PHF20: variants seen among roughly 807,000 people sequenced by gnomAD.
The protein encoded by PHF20 is glioma-expressed antigen 2.
A neutral mutation model predicts 113.5 loss-of-function variants in PHF20; 23 were observed. The observed-to-expected ratio is 0.20, with a 90% confidence interval of 0.15 to 0.29. The LOEUF is 0.29. PHF20 is among the 10% of genes least tolerant of loss of function. The pLI, the probability that PHF20 is intolerant of heterozygous loss-of-function variation, is 1.00. For synonymous variants in PHF20, 434 were observed against 457.3 expected (o/e 0.95, Z 0.65); for missense variants, 943 against 1,219.6 (o/e 0.77, Z 3.38).
At chr20:35,820,998 G>A (rs1358745444) in intron 2 of PHF20, among the ~76,000 whole-genome samples, 1 of 152,000 alleles carries the variant, frequency 6.6e-6, no homozygotes, top group African/African-American at 2.4e-5. Flanking sequence ...TGGCTGGGAG[G>A]GTAGAGAGTG....
chr20:35,778,953 G>A (rs370111275), intron 1 of PHF20, among the ~76,000 whole-genome samples: 12 of 151,928 alleles, frequency 7.9e-5, no homozygotes, highest in East Asian at 5.8e-4. Flanking sequence ...AAAGAGTGGT[G>A]GAGCCTGAAT....
intron 8 of PHF20, 108 bp downstream of exon 8, chr20:35,871,242 T>C: frequency 2.2e-6 from 2 of 894,620 alleles, no homozygotes; most frequent in Non-Finnish European, 3.6e-6. Flanking sequence ...TGTCTTGAAA[T>C]CAAACTATTG....
At chr20:35,892,463 C>G (rs1051135656) in intron 9 of PHF20, among the ~76,000 whole-genome samples, 5 of 152,092 alleles carry the variant, frequency 3.3e-5, no homozygotes, top group Non-Finnish European at 7.4e-5. Flanking sequence ...CCTGCCTCAG[C>G]CTCCCGAAGT....
chr20:35,858,349 CAT>C lies in PHF20; in HGVS notation c.391_392del (p.Ile131SerfsTer14). The C allele has an allele frequency of 1.3e-6, 2 of 1,596,804 alleles. No individual in the cohort carries two copies. Among genetic ancestry groups the C allele is most frequent in the Non-Finnish European group, 1.7e-6 (2 of 1,166,690 alleles). ...FYDGVVQTVK[H>X]IHVKAFSKDQ... is the part of the protein sequence containing the mutation. The stretch of plus-strand genomic sequence containing the variant: ...TGATGGAGTAGTTCAGACTGTCAAA[CAT>C]ATTCATGTCAAAGCTTTTTCCAAAG... On this transcript the variant is annotated frameshift_variant, in exon 5 of 18. Transcript: ENST00000374012. LOFTEE classifies it high-confidence loss of function.
intron 1 of PHF20, among the ~76,000 whole-genome samples, chr20:35,786,353 T>G (rs1218626009): frequency 3.3e-5 from 5 of 151,954 alleles, no homozygotes; most frequent in Non-Finnish European, 7.4e-5. Context: ...ATCGCGCCAC[T>G]GCATTCCAGC....
At chr20:35,816,144 G>A (rs1214430388) in intron 2 of PHF20, among the ~76,000 whole-genome samples, 1 of 151,630 alleles carries the variant, frequency 6.6e-6, no homozygotes, top group East Asian at 2.0e-4. Flanking sequence ...TTTAGTGGAG[G>A]TGGGGTTTTA....
chr20:35,861,131 A>G (rs1351404416), intron 5 of PHF20, among the ~76,000 whole-genome samples: 1 of 149,738 alleles, frequency 6.7e-6, no homozygotes, highest in Non-Finnish European at 1.5e-5. Context: ...GGTTTTTCGT[A>G]TACTATTGGA....
intron 2 of PHF20, among the ~76,000 whole-genome samples, chr20:35,815,267 G>A (rs2042051695): frequency 6.6e-6 from 1 of 151,858 alleles, no homozygotes; most frequent in African/African-American, 2.4e-5. Flanking sequence ...TATGCATGGT[G>A]TAACTATGCT....
chr20:35,838,343 C>G (rs909836361), intron 2 of PHF20: 1 of 152,154 alleles, frequency 6.6e-6, no homozygotes, highest in African/African-American at 2.4e-5. Flanking sequence ...GAGTCTCATG[C>G]TTCCTCTCCA....
chr20:35,929,269 G>A (rs2055704954), intron 14 of PHF20, among the ~76,000 whole-genome samples: 1 of 152,244 alleles, frequency 6.6e-6, no homozygotes, highest in Non-Finnish European at 1.5e-5. Context: ...GTTGTCTAGG[G>A]AGGGACTGGC....
chr20:35,793,871 G>T (rs1017073193), intron 1 of PHF20, among the ~76,000 whole-genome samples: 2 of 148,874 alleles, frequency 1.3e-5, no homozygotes, highest in Admixed American at 1.3e-4. Flanking sequence ...GGTGGTGCAC[G>T]CCTGTAATCC....
At chr20:35,941,141 G>T (rs2055971784) in intron 17 of PHF20, 94 bp downstream of exon 17, 1 of 970,366 alleles carries the variant, frequency 1.0e-6, no homozygotes. Flanking sequence ...AGTTTACAGG[G>T]ACCGCTGTAC....
chr20:35,866,208 T>G (rs902446629), intron 6 of PHF20, among the ~76,000 whole-genome samples: 1 of 152,038 alleles, frequency 6.6e-6, no homozygotes, highest in African/African-American at 2.4e-5. Flanking sequence ...AGACTCCATC[T>G]CAAAAAAACA....
At chr20:35,842,778 C>A in intron 3 of PHF20, 34 bp downstream of exon 3, 2 of 1,583,836 alleles carry the variant, frequency 1.3e-6, no homozygotes, top group South Asian at 1.1e-5. Flanking sequence ...CTGTAGTATG[C>A]AAGGTCAGCC....
chr20:35,905,933 T>G (rs1299818345), intron 10 of PHF20, among the ~76,000 whole-genome samples: 1 of 152,240 alleles, frequency 6.6e-6, no homozygotes, highest in Non-Finnish European at 1.5e-5. Context: ...TAGATTTGCT[T>G]TTCCAAATGA....
chr20:35,885,410 T>C (rs1188255579), intron 9 of PHF20, among the ~76,000 whole-genome samples: 2 of 147,584 alleles, frequency 1.4e-5, no homozygotes, highest in Non-Finnish European at 3.0e-5. Flanking sequence ...TTCTTTAATC[T>C]GAAACAGACC....
intron 2 of PHF20, among the ~76,000 whole-genome samples, chr20:35,805,422 G>A (rs1770961645): frequency 6.7e-6 from 1 of 149,406 alleles, no homozygotes; most frequent in Non-Finnish European, 1.5e-5. Context: ...TTGCTCTGTC[G>A]CCCAGGCTGG....
chr20:35,835,721 G>A (rs2042428048), intron 2 of PHF20, among the ~76,000 whole-genome samples: 1 of 152,148 alleles, frequency 6.6e-6, no homozygotes, highest in Admixed American at 6.5e-5. Context: ...CTTGAGGTCA[G>A]GAGTTTGAGA....
chr20:35,804,860 A>G (rs902922664), intron 2 of PHF20, among the ~76,000 whole-genome samples: 5 of 152,004 alleles, frequency 3.3e-5, no homozygotes, highest in African/African-American at 1.2e-4. Flanking sequence ...GTACTCAACC[A>G]TATGTACATA....
Sources: allele counts gnomAD v4.1 joint callset (sites outside exome capture counted in the v4.1 genomes callset), GRCh38; gene constraint gnomAD v4.1.1; transcripts MANE v1.5; gene names NCBI Gene and HGNC (gene_info 2026-07-23, HGNC 2026-07-21).